EIPR1: variants seen among roughly 807,000 people sequenced by gnomAD.
EIPR1 encodes the protein EARP and GARP complex-interacting protein 1.
Under a neutral mutation model 48.1 loss-of-function variants are expected in EIPR1, and 25 were observed. The observed-to-expected ratio is 0.52, with a 90% CI of 0.38 to 0.73. The LOEUF is 0.73. Among genes scored for constraint, EIPR1 ranks in the 30% least tolerant of loss-of-function variants. The pLI, the probability that EIPR1 is intolerant of heterozygous loss-of-function variation, is 0.00. For missense variants in EIPR1, 415 were observed against 506.2 expected, an observed-to-expected ratio of 0.82 and a Z score of 1.73; for synonymous variants, 204 against 201.9, an observed-to-expected ratio of 1.01 and a Z score of -0.09.
chr2:3,224,284 T>C (rs1228632282), intron 4 of EIPR1, among the ~76,000 whole-genome samples: 1 of 152,224 alleles, frequency 6.6e-6, no homozygotes, highest in African/African-American at 2.4e-5. Context: ...GCTCAAGTGC[T>C]ACTTCCAACA....
chr2:3,286,178 A>AT lies in EIPR1; in HGVS notation c.260-28724dup, dbSNP rs1668179002. 6.6e-6 allele frequency among the ~76,000 whole-genome samples: 1 copy of AT among 152,170 alleles called. No homozygotes were observed. The highest frequency in any genetic ancestry group is 2.1e-4 in the South Asian group (1 of 4,836). On this transcript the variant is annotated intron_variant, in intron 3 of 8. Coordinates refer to ENST00000382125, the MANE Select transcript of EIPR1 (RefSeq NM_003310.5). The surrounding 1 kb of genome is among the most constrained non-coding windows in gnomAD (Gnocchi z 4.2). ...AAGCCACACCTGCTATCCCTGCCTG[A>AT]TTCCCCACCCTCAGAACCCATGAGC...
chr2:3,197,738 G>T (rs1256787027), intron 5 of EIPR1, among the ~76,000 whole-genome samples: 1 of 152,222 alleles, frequency 6.6e-6, no homozygotes, highest in Non-Finnish European at 1.5e-5. Context: ...GACTGTTAAA[G>T]GCAGGAAGCA....
chr2:3,201,460 G>A (rs970145748), intron 5 of EIPR1, among the ~76,000 whole-genome samples: 1 of 152,182 alleles, frequency 6.6e-6, no homozygotes, highest in East Asian at 1.9e-4. Context: ...TACGTTTGCG[G>A]CAAGGGTGCA....
intron 3 of EIPR1, among the ~76,000 whole-genome samples, chr2:3,263,233 T>C (rs1464343430): frequency 1.3e-5 from 2 of 152,202 alleles, no homozygotes; most frequent in Non-Finnish European, 2.9e-5. Flanking sequence ...TGGCCATCCC[T>C]GTGGCGTGCA....
chr2:3,210,233 A>G (rs902943059), intron 5 of EIPR1, among the ~76,000 whole-genome samples: 6 of 152,208 alleles, frequency 3.9e-5, no homozygotes, highest in Non-Finnish European at 8.8e-5. Flanking sequence ...TAAAAAGAGG[A>G]AAAGAAAAGT....
At chr2:3,208,609 G>A (rs1249856139) in intron 5 of EIPR1, 2 of 1,550,640 alleles carry the variant, frequency 1.3e-6, no homozygotes, top group Admixed American at 2.0e-5. Context: ...CTGAGTGTCT[G>A]TTGAATGAAT....
At chr2:3,205,629 C>G (rs1172871916) in intron 5 of EIPR1, among the ~76,000 whole-genome samples, 1 of 152,210 alleles carries the variant, frequency 6.6e-6, no homozygotes, top group Non-Finnish European at 1.5e-5. Context: ...ACTGTGGCAC[C>G]TCTAGTGCCC....
At chr2:3,287,595 A>T (rs967858103) in intron 3 of EIPR1, among the ~76,000 whole-genome samples, 1 of 148,350 alleles carries the variant, frequency 6.7e-6, no homozygotes, top group African/African-American at 2.5e-5. Context: ...CACGTTCACC[A>T]TGCTCCAGAA....
intron 1 of EIPR1, among the ~76,000 whole-genome samples, chr2:3,363,353 C>T (rs1670895516): frequency 6.6e-6 from 1 of 152,088 alleles, no homozygotes; most frequent in South Asian, 2.1e-4. Flanking sequence ...AACATATCAA[C>T]AAAAATCATA....
At chr2:3,224,123 G>C (rs979259746) in intron 4 of EIPR1, among the ~76,000 whole-genome samples, 9 of 152,110 alleles carry the variant, frequency 5.9e-5, no homozygotes, top group Admixed American at 2.0e-4. Context: ...TGGAGACACC[G>C]CCTGCCTGAT....
intron 3 of EIPR1, among the ~76,000 whole-genome samples, chr2:3,264,153 G>A (rs955179079): frequency 7.2e-5 from 11 of 151,880 alleles, no homozygotes; most frequent in African/African-American, 2.4e-4. Context: ...TTCCCCATCC[G>A]CCCTCCCGCC....
chr2:3,350,117 C>CAAAAAAAA (rs35912767), intron 2 of EIPR1, among the ~76,000 whole-genome samples: 1 of 57,446 alleles, frequency 1.7e-5, no homozygotes, highest in Admixed American at 3.0e-4. Context: ...GACTCTGTCT[C>CAAAAAAAA]AAAAAAAAAA....
At chr2:3,285,254 G>A (rs1668143765) in intron 3 of EIPR1, among the ~76,000 whole-genome samples, 1 of 151,826 alleles carries the variant, frequency 6.6e-6, no homozygotes, top group African/African-American at 2.4e-5. Flanking sequence ...GCACACCCTG[G>A]AGCAAACCTC....
At chr2:3,240,285 T>C (rs62119038) in intron 4 of EIPR1, among the ~76,000 whole-genome samples, 53,227 of 66,556 alleles carry the variant, frequency 0.8, 24,466 homozygotes, top group East Asian at 0.85. Flanking sequence ...AGCCAGCAGA[T>C]CCTTCCTCAA....
chr2:3,288,532 G>C (rs994770667), intron 3 of EIPR1, among the ~76,000 whole-genome samples: 37 of 152,210 alleles, frequency 2.4e-4, no homozygotes, highest in African/African-American at 8.9e-4. Context: ...CACAAGCCAG[G>C]AAGAAAAGCA....
At chr2:3,351,247 C>T (rs544825236) in intron 2 of EIPR1, among the ~76,000 whole-genome samples, 29 of 152,276 alleles carry the variant, frequency 1.9e-4, no homozygotes, top group African/African-American at 2.4e-4. Context: ...GTGATCCACC[C>T]GCCTTGGCCT....
chr2:3,328,067 A>G (rs1157738033), intron 3 of EIPR1, among the ~76,000 whole-genome samples: 1 of 152,164 alleles, frequency 6.6e-6, no homozygotes, highest in Non-Finnish European at 1.5e-5. Flanking sequence ...AGTGGGCCAG[A>G]GCCATAGAAA....
In EIPR1 at chr2:3,278,577, C is replaced by G. The variant is rs925587999; in HGVS notation, c.260-21122G>C. ...CCCAGCTCACCCTCTTCCTTCCTCA[C>G]GACTTCCGACCCCTGAGGTTGGCCT... On this transcript the variant is annotated intron_variant, in intron 3 of 8. Transcript: ENST00000382125. Among the ~76,000 whole-genome samples, 25 of 152,176 alleles carry G rather than the reference C, an allele frequency of 1.6e-4. 1 individual carries two copies. Among genetic ancestry groups the G allele is most frequent in the Admixed American group, 1.6e-3 (25 of 15,286 alleles).
chr2:3,210,270 C>T (rs1054123708), intron 5 of EIPR1, among the ~76,000 whole-genome samples: 7 of 152,134 alleles, frequency 4.6e-5, no homozygotes, highest in Non-Finnish European at 1.0e-4. Context: ...GCATTGCCAG[C>T]CACCTCCACG....
Sources: allele counts gnomAD v4.1 joint callset (sites outside exome capture counted in the v4.1 genomes callset), GRCh38; gene constraint gnomAD v4.1.1; non-coding constraint Gnocchi (gnomAD v3.1); transcripts MANE v1.5; gene names NCBI Gene and HGNC (gene_info 2026-07-23, HGNC 2026-07-21).